SLC45A4: variants seen among roughly 807,000 people sequenced by gnomAD.
SLC45A4 encodes solute carrier family 45 member 4, also known as polyamine-transporter SLC45A4.
A neutral mutation model predicts 63.7 loss-of-function variants in SLC45A4; 32 were observed. The observed-to-expected ratio is 0.50, with a 90% CI of 0.38 to 0.67. SLC45A4 has a LOEUF of 0.67. Among genes scored for constraint, SLC45A4 ranks in the 30% least tolerant of loss-of-function variants. The pLI is 0.00. For missense variants in SLC45A4, 1,027 were observed against 1,157.7 expected, an observed-to-expected ratio of 0.89 and a Z score of 1.64; for synonymous variants, 535 against 510.0, an observed-to-expected ratio of 1.05 and a Z score of -0.66.
chr8:141,280,337 A>C (rs1266089091), intron 1 of SLC45A4, among the ~76,000 whole-genome samples: 2 of 152,232 alleles, frequency 1.3e-5, no homozygotes, highest in Non-Finnish European at 2.9e-5. Flanking sequence ...ACCCACAGCA[A>C]ACAGGAATAG....
chr8:141,299,277 C>T (rs577770734), intron 1 of SLC45A4, among the ~76,000 whole-genome samples: 8 of 152,342 alleles, frequency 5.3e-5, no homozygotes, highest in African/African-American at 1.7e-4. Flanking sequence ...GATGTTTCTA[C>T]GGAAGGAGAA....
Position 141,257,498 on chromosome 8 carries a change from T to TTCA in SLC45A4, c.-400-2872_-400-2870dup, listed in dbSNP as rs1405944263. Among the ~76,000 whole-genome samples, 9 of 152,354 alleles carry TTCA rather than the reference T, an allele frequency of 5.9e-5. No individual in the cohort carries two copies. The East Asian group carries it at 1.7e-3, about 29-fold the overall frequency. Reference sequence around the variant, plus strand: ...TGACTTAATTATAAACATCAGACCCTTCATGCCTGCTCAATCGGCTCTTTG... The same window carrying TTCA: ...TGACTTAATTATAAACATCAGACCCTTCATCATGCCTGCTCAATCGGCTCTTTG... On this transcript the variant is annotated intron_variant, in intron 1 of 8. Transcript: ENST00000517878.
intron 2 of SLC45A4, among the ~76,000 whole-genome samples, chr8:141,242,378 T>C (rs1046035260): frequency 6.6e-6 from 1 of 152,220 alleles, no homozygotes; most frequent in South Asian, 2.1e-4. Flanking sequence ...CCCAAGTGAC[T>C]TCCACAGCGG....
chr8:141,247,218 G>A (rs530956961), intron 2 of SLC45A4, among the ~76,000 whole-genome samples: 2 of 106,356 alleles, frequency 1.9e-5, no homozygotes, highest in East Asian at 3.2e-4. Context: ...AAGTGAGTTT[G>A]GCAAAATTGC....
chr8:141,211,503 G>A lies in SLC45A4; in HGVS notation c.*69C>T. 1 of 1,609,876 alleles carries A rather than the reference G, an allele frequency of 6.2e-7. No homozygotes were observed. Reference sequence around the variant, plus strand: ...CTCCCAGCTTTGGTGTGCGGTCGCTGCCCAAGGACAGGGCTGCCCTGGGCA... The same window carrying A: ...CTCCCAGCTTTGGTGTGCGGTCGCTACCCAAGGACAGGGCTGCCCTGGGCA... On this transcript the variant is annotated 3_prime_UTR_variant, in exon 9 of 9. Coordinates refer to ENST00000517878, the MANE Select transcript of SLC45A4 (RefSeq NM_001286646.2).
In SLC45A4 at chr8:141,227,602, G is replaced by A. The variant is rs553078304; in HGVS notation, c.242-5837C>T. Reference sequence around the variant, plus strand: ...CCCCAGACAGGAAAGACACTGGGCCGGGGGAGCCGGGCCCCCAGGGCTCGG... The same window carrying A: ...CCCCAGACAGGAAAGACACTGGGCCAGGGGAGCCGGGCCCCCAGGGCTCGG... On this transcript the variant is annotated intron_variant, in intron 2 of 8. Coordinates refer to ENST00000517878, the MANE Select transcript of SLC45A4 (RefSeq NM_001286646.2). This position sits in a 1 kb window ranked among gnomAD's most constrained non-coding sequence, Gnocchi z 4.4. Among the ~76,000 whole-genome samples the A allele has an allele frequency of 2.9e-4, 44 of 152,240 alleles. No individual in the cohort carries two copies. The highest frequency in any genetic ancestry group is 8.7e-4 in the African/African-American group (36 of 41,550).
intron 2 of SLC45A4, chr8:141,252,616 T>C (rs1828532183): frequency 7.5e-6 from 1 of 133,958 alleles, no homozygotes; most frequent in Admixed American, 7.6e-5. Flanking sequence ...CACCTGTGCA[T>C]CTGTGAATTT....
Position 141,215,635 on chromosome 8 carries a change from C to T in SLC45A4, c.1941+124G>A, listed in dbSNP as rs117087012. The T allele has an allele frequency of 8.2e-5, 79 of 966,666 alleles. No individual in the cohort carries two copies. The highest frequency in any genetic ancestry group is 4.0e-4 in the African/African-American group (25 of 62,030). The allele number at this position is 966,666 out of a possible 1,614,324, so 59.9% of individuals were successfully genotyped here. On this transcript the variant is annotated intron_variant, in intron 7 of 8. Transcript: ENST00000517878. The surrounding 1 kb of genome is among the most constrained non-coding windows in gnomAD (Gnocchi z 4.3). Reference sequence around the variant, plus strand: ...GCTTTGGAAGGGGCCATCTCAGAACCGGAGAGGAAGGAGGGCCATCTGTGT... The same window carrying T: ...GCTTTGGAAGGGGCCATCTCAGAACTGGAGAGGAAGGAGGGCCATCTGTGT...
intron 1 of SLC45A4, among the ~76,000 whole-genome samples, chr8:141,294,686 C>T (rs1438456999): frequency 1.3e-5 from 2 of 152,244 alleles, no homozygotes; most frequent in African/African-American, 4.8e-5. Flanking sequence ...TGGGGGCCAC[C>T]AGCCAGCATG....
At chr8:141,300,193 A>T (rs1830696355) in intron 1 of SLC45A4, among the ~76,000 whole-genome samples, 1 of 152,164 alleles carries the variant, frequency 6.6e-6, no homozygotes, top group African/African-American at 2.4e-5. Flanking sequence ...CACATTACCG[A>T]TTCCACAGAG....
At chr8:141,239,594 A>ACACACACACACACACG (rs1555571146) in intron 2 of SLC45A4, among the ~76,000 whole-genome samples, 1 of 151,736 alleles carries the variant, frequency 6.6e-6, no homozygotes, top group African/African-American at 2.4e-5. Context: ...ACACACACAC[A>ACACACACACACACACG]CACACGCACG....
rs1050152970 is a variant in SLC45A4 at position 141,215,573 on chromosome 8, G to A, written c.1941+186C>T. On this transcript the variant is annotated intron_variant, in intron 7 of 8. Transcript: ENST00000517878. This position sits in a 1 kb window ranked among gnomAD's most constrained non-coding sequence, Gnocchi z 4.3. ...CGGCTGAAGGAGAAGACCCTTTGTG[G>A]CCAGGGACCGATCAGGGGCAGGTGG... is the stretch of plus-strand genomic sequence containing the variant. Among the ~76,000 whole-genome samples the A allele has an allele frequency of 1.3e-5, 2 of 152,118 alleles. No individual in the cohort carries two copies. Among genetic ancestry groups the A allele is most frequent in the Non-Finnish European group, 2.9e-5 (2 of 68,026 alleles).
At chr8:141,269,533 T>A (rs1563661961) in intron 1 of SLC45A4, among the ~76,000 whole-genome samples, 1 of 150,982 alleles carries the variant, frequency 6.6e-6, no homozygotes, top group Admixed American at 6.6e-5. Context: ...TCTGCCTATG[T>A]GGGTGTGTGT....
chr8:141,298,595 T>C (rs562699791), intron 1 of SLC45A4, among the ~76,000 whole-genome samples: 5 of 152,194 alleles, frequency 3.3e-5, no homozygotes, highest in South Asian at 4.1e-4. Flanking sequence ...AGGAAACAAA[T>C]TGGAGCGGCA....
intron 1 of SLC45A4, among the ~76,000 whole-genome samples, chr8:141,273,632 AC>A (rs375725491): frequency 1.3e-3 from 196 of 152,288 alleles, no homozygotes; most frequent in African/African-American, 4.7e-3. Flanking sequence ...AACTGACCTC[AC>A]AGACAGGGCA....
intron 2 of SLC45A4, among the ~76,000 whole-genome samples, chr8:141,223,910 C>G (rs1826815854): frequency 6.6e-6 from 1 of 152,220 alleles, no homozygotes; most frequent in South Asian, 2.1e-4. Context: ...TGAACCAAAC[C>G]ACTTTACCAT....
chr8:141,216,122 A>T, intron 6 of SLC45A4, 152 bp from the exon 7 acceptor site: 1 of 700,784 alleles, frequency 1.4e-6, no homozygotes, highest in East Asian at 2.7e-5. Context: ...CAGCTGGCAC[A>T]GGCCTCCGGC....
rs558642759 is a variant in SLC45A4, at chr8:141,237,759, T to A, written c.242-15994A>T. On this transcript the variant is annotated intron_variant, in intron 2 of 8. Transcript: ENST00000517878. ...CAGCACGCTTCTCACCTCACCGAAC[T>A]GGGAGCGCCAGGTCACGTGCTCGTA... Among the ~76,000 whole-genome samples, 168 of 152,180 alleles carry A rather than the reference T, an allele frequency of 1.1e-3. 1 individual carries two copies. Among genetic ancestry groups the A allele is most frequent in the Non-Finnish European group, 3.1e-4 (21 of 68,002 alleles).
At chr8:141,248,419 A>G (rs1290882072) in intron 2 of SLC45A4, among the ~76,000 whole-genome samples, 3 of 152,018 alleles carry the variant, frequency 2.0e-5, no homozygotes, top group Non-Finnish European at 4.4e-5. Context: ...AATTTAAAAT[A>G]TTAGCTAGGT....
Sources: gnomAD v4.1 joint callset for allele counts (sites outside exome capture counted in the v4.1 genomes callset) on GRCh38, gnomAD v4.1.1 for gene constraint, Gnocchi (gnomAD v3.1) non-coding constraint, MANE v1.5 for transcripts, NCBI Gene and HGNC (gene_info 2026-07-23, HGNC 2026-07-21) for gene names.